The following NFRKB variants were observed in gnomAD, a reference collection of about 807,000 sequenced individuals.
NFRKB encodes nuclear factor related to kappaB binding protein, also known as nuclear factor related to kappa-B-binding protein.
Under a neutral mutation model 135.7 loss-of-function variants are expected in NFRKB, and 62 were observed. The ratio of observed to expected loss-of-function variants is 0.46; its 90% CI spans 0.37 to 0.56. The LOEUF is 0.56. NFRKB is among the 20% of genes least tolerant of loss of function. NFRKB has a pLI of 0.00. For missense variants in NFRKB, 1,545 were observed against 1,662.0 expected, an observed-to-expected ratio of 0.93 and a Z score of 1.22; for synonymous variants, 678 against 635.6, an observed-to-expected ratio of 1.07 and a Z score of -1.00.
Position 129,864,150 on chromosome 11 carries a change from G to T in NFRKB, c.*575C>A, listed in dbSNP as rs538709366. 1.3e-5 allele frequency: 2 copies of T among 152,626 alleles called. No homozygotes were observed. The highest frequency in any genetic ancestry group is 4.8e-5 in the African/African-American group (2 of 41,528). The allele number at this position is 152,626 out of a possible 1,614,324, so 9.5% of individuals were successfully genotyped here. On this transcript the variant is annotated 3_prime_UTR_variant, in exon 27 of 27. Transcript: ENST00000682444. The stretch of plus-strand genomic sequence containing the variant: ...TCGATTACTATGCAGTTACCAAGCT[G>T]GCTACCACCTTACTAAGATTCTTGC...
At chr11:129,869,129 G>A (rs1290750155) in intron 24 of NFRKB, among the ~76,000 whole-genome samples, 1 of 152,158 alleles carries the variant, frequency 6.6e-6, no homozygotes, top group East Asian at 1.9e-4. Context: ...GGACTAGGAG[G>A]ATAAATGCCG....
chr11:129,871,902 T>C (rs1456449119), intron 23 of NFRKB, among the ~76,000 whole-genome samples: 4 of 151,644 alleles, frequency 2.6e-5, no homozygotes, highest in Non-Finnish European at 5.9e-5. Flanking sequence ...ACTGGCAACC[T>C]CTCCCATCCT....
chr11:129,893,160 T>C (rs542768322), intron 2 of NFRKB: 1 of 1,005,260 alleles, frequency 9.9e-7, no homozygotes, highest in Admixed American at 3.4e-5. Context: ...AGACTGAGAA[T>C]AAATGATAAA....
At chr11:129,866,900 G>T (rs980527022) in intron 24 of NFRKB, among the ~76,000 whole-genome samples, 1 of 152,146 alleles carries the variant, frequency 6.6e-6, no homozygotes, top group East Asian at 1.9e-4. Context: ...CTGCGCGGCA[G>T]GTCCCCGCAC....
intron 16 of NFRKB, 43 bp downstream of exon 16, chr11:129,877,282 G>A: frequency 6.3e-7 from 1 of 1,575,466 alleles, no homozygotes; most frequent in Non-Finnish European, 8.7e-7. Flanking sequence ...CTCTCTGCAT[G>A]GCTCACAGAG....
chr11:129,880,043 C>T (rs1272838250), intron 13 of NFRKB, among the ~76,000 whole-genome samples: 1 of 152,058 alleles, frequency 6.6e-6, no homozygotes, highest in East Asian at 1.9e-4. Flanking sequence ...AAAAAACAGC[C>T]AGGCATGGTT....
At chr11:129,872,237 C>T (rs1341004277) in intron 23 of NFRKB, among the ~76,000 whole-genome samples, 1 of 152,056 alleles carries the variant, frequency 6.6e-6, no homozygotes, top group Non-Finnish European at 1.5e-5. Flanking sequence ...ACGAGTTCCG[C>T]GAGGGCAAGG....
chr11:129,873,005 C>T lies in NFRKB; in HGVS notation c.2642G>A (p.Ser881Asn), dbSNP rs1948587580. ...CACAGGGCTGGCTGTGGCAGGGAGA[C>T]TTGTCACCGTGAGCCCTGTCTGCCC... ...GPGQTGLTVTSLPATASPVSK... is the reference protein window; with the variant it reads ...GPGQTGLTVTNLPATASPVSK... The change falls in exon 23 of 27, where the codon AGT becomes AAT. Residue 881 changes from serine (S) to asparagine (N), a missense_variant. This residue lies in a region of NFRKB where 753 missense variants were observed against 804.3 expected (regional missense o/e 0.94). Coordinates refer to ENST00000682444, the MANE Select transcript of NFRKB (RefSeq NM_001143835.2). 1 of 1,614,064 alleles carries T rather than the reference C, an allele frequency of 6.2e-7. No individual in the cohort carries two copies.
chr11:129,873,162 G>C, intron 22 of NFRKB, 66 bp from the exon 23 acceptor site: 2 of 1,398,532 alleles, frequency 1.4e-6, no homozygotes, highest in Non-Finnish European at 1.9e-6. Flanking sequence ...CTCTAAGCAA[G>C]AGTCTCCCTC....
At chr11:129,872,255 C>T (rs1948546851) in intron 23 of NFRKB, among the ~76,000 whole-genome samples, 3 of 152,096 alleles carry the variant, frequency 2.0e-5, no homozygotes, top group Admixed American at 6.5e-5. Context: ...AGGACTTAGT[C>T]TGTTTAATGT....
At chr11:129,888,489 T>C (rs1183105254) in intron 4 of NFRKB, 105 bp downstream of exon 4, 18 of 1,192,876 alleles carry the variant, frequency 1.5e-5, no homozygotes, top group Non-Finnish European at 2.2e-5. Flanking sequence ...CCTCAGTATC[T>C]GTACATGAAG....
At position 129,864,584 on chromosome 11, in the gene NFRKB, G is replaced by GAATCCAGGCCACC. The variant is rs561197568; in HGVS notation, c.*128_*140dup. Reference sequence around the variant, plus strand: ...CACGTGGCAGCAGAATCCAGGCCACGAATCCAGGCCACCGTTGCCATCACC... The same window carrying GAATCCAGGCCACC: ...CACGTGGCAGCAGAATCCAGGCCACGAATCCAGGCCACCAATCCAGGCCACCGTTGCCATCACC... On this transcript the variant is annotated 3_prime_UTR_variant, in exon 27 of 27. Coordinates refer to ENST00000682444, the MANE Select transcript of NFRKB (RefSeq NM_001143835.2). 1.3e-4 allele frequency: 160 copies of GAATCCAGGCCACC among 1,210,834 alleles called. No homozygotes were observed. In the African/African-American group the frequency reaches 1.9e-3, roughly 15 times the overall value. 75.0% of individuals were successfully genotyped at this position (1,210,834 alleles called of 1,614,324 possible).
Position 129,888,693 on chromosome 11 carries a change from C to G in NFRKB, c.238G>C (p.Asp80His), listed in dbSNP as rs1949397001. ...LQQFLPQFPE[D>H]SAEQQNELIL... is the part of the protein sequence containing the mutation. ...AGTTCATTCTGCTGCTCAGCACTGT[C>G]TTCAGGAAACTGGGGCAGAAACTGC... Residue 80 changes from aspartate to histidine, a missense_variant, in exon 4 of 27, where the codon GAC (aspartate) becomes CAC (histidine). This residue lies in a region of NFRKB where 678 missense variants were observed against 646.7 expected (regional missense o/e 1.05). Transcript: ENST00000682444. The G allele has an allele frequency of 6.2e-7, 1 of 1,614,212 alleles. No homozygotes were observed. Among genetic ancestry groups the G allele is most frequent in the East Asian group, 2.2e-5 (1 of 44,880 alleles).
chr11:129,874,166 T>C lies in NFRKB; in HGVS notation c.2226A>G (p.Ala742=). 1 of 1,524,834 alleles carries C rather than the reference T, an allele frequency of 6.6e-7. No individual in the cohort carries two copies. The highest frequency in any genetic ancestry group is 8.8e-7 in the Non-Finnish European group (1 of 1,137,598). 94.5% of individuals were successfully genotyped at this position (1,524,834 alleles called of 1,614,324 possible). The change falls in exon 21 of 27, where the codon GCA becomes GCG. Residue 742 remains alanine (A), a synonymous_variant. Coordinates refer to ENST00000682444, the MANE Select transcript of NFRKB (RefSeq NM_001143835.2). The surrounding 1 kb of genome is among the most constrained non-coding windows in gnomAD (Gnocchi z 4.5). ...AIPISPPPVS[A]VNKSGPSTVS... ...CTGTGGAAGGGCCGCTTTTGTTCACTGCCGATACAGGTGGAGGGGAGATGG... is the reference window on the plus strand; with the variant it reads ...CTGTGGAAGGGCCGCTTTTGTTCACCGCCGATACAGGTGGAGGGGAGATGG...
Position 129,885,583 on chromosome 11 carries a change from A to C in NFRKB, c.492T>G (p.Ser164Arg), listed in dbSNP as rs752740430. 24 of 1,611,856 alleles carry C rather than the reference A, an allele frequency of 1.5e-5. No individual in the cohort carries two copies. Among genetic ancestry groups the C allele is most frequent in the Middle Eastern group, 1.6e-4 (1 of 6,072 alleles). ...RSDLLEMARR[S>R]GPALPFRQKR... is the part of the protein sequence containing the mutation. ...TCTGCCGGAAGGGAAGGGCGGGGCC[A>C]CTCCGCCGGGCCATCTCCAGCAGAT... Residue 164 changes from serine to arginine, a missense_variant, in exon 6 of 27, where the codon AGT (serine) becomes AGG (arginine). Ser to Arg is a moderately radical substitution (Grantham distance 110, BLOSUM62 -1). Coordinates refer to ENST00000682444, the MANE Select transcript of NFRKB (RefSeq NM_001143835.2).
intron 12 of NFRKB, 88 bp downstream of exon 12, chr11:129,881,639 G>C: frequency 1.9e-6 from 3 of 1,582,544 alleles, no homozygotes; most frequent in Non-Finnish European, 2.6e-6. Context: ...AGGCATGATG[G>C]ATTACACGAG....
intron 23 of NFRKB, among the ~76,000 whole-genome samples, chr11:129,872,326 A>C (rs978153854): frequency 6.6e-6 from 1 of 152,206 alleles, no homozygotes; most frequent in Non-Finnish European, 1.5e-5. Context: ...ACAAAAAAAA[A>C]ACATTACTTT....
At chr11:129,882,294 G>C in intron 10 of NFRKB, 100 bp from the exon 11 acceptor site, 1 of 1,339,408 alleles carries the variant, frequency 7.5e-7, no homozygotes, top group Non-Finnish European at 1.0e-6. Flanking sequence ...AAGAGTTCAA[G>C]AAAGGAGCAA....
chr11:129,878,510 G>A lies in NFRKB; in HGVS notation c.1418C>T (p.Ala473Val). Reference sequence around the variant, plus strand: ...GGTCTCTAGCCATAGCTGGAAGAGGGCAGCTAATTCCTTTTCATTATCTTG... The same window carrying A: ...GGTCTCTAGCCATAGCTGGAAGAGGACAGCTAATTCCTTTTCATTATCTTG... ...QSQDNEKELA[A>V]LFQLWLETKD... The change falls in exon 14 of 27, where the codon GCC becomes GTC. Residue 473 changes from alanine (A) to valine (V), a missense_variant. Physicochemically the swap from Ala to Val is moderately conservative, Grantham distance 64. This residue lies in a region of NFRKB where 678 missense variants were observed against 646.7 expected (regional missense o/e 1.05). Coordinates refer to ENST00000682444, the MANE Select transcript of NFRKB (RefSeq NM_001143835.2). The A allele has an allele frequency of 6.2e-7, 1 of 1,614,146 alleles. No individual in the cohort carries two copies. Among genetic ancestry groups the A allele is most frequent in the Non-Finnish European group, 8.5e-7 (1 of 1,179,994 alleles).
Sources: allele counts gnomAD v4.1 joint callset (sites outside exome capture counted in the v4.1 genomes callset), GRCh38; gene constraint gnomAD v4.1.1; regional missense constraint gnomAD v4.1.1; non-coding constraint Gnocchi (gnomAD v3.1); transcripts MANE v1.5; gene names NCBI Gene and HGNC (gene_info 2026-07-23, HGNC 2026-07-21).